The following ANK3 variants were observed in gnomAD, a reference collection of about 807,000 sequenced individuals.
ANK3 encodes the protein ankyrin-3.
Under a neutral mutation model 370.9 loss-of-function variants are expected in ANK3, and 57 were observed. That is an observed-to-expected ratio of 0.15 (90% CI 0.12 to 0.19). The LOEUF is 0.19. ANK3 is among the 10% of genes least tolerant of loss of function. The probability of loss-of-function intolerance (pLI) is 1.00; values close to 1 mark genes in which losing one functional copy is unlikely to be tolerated. For missense variants in ANK3, 4,439 were observed against 5,302.1 expected (o/e 0.84, Z 5.06); for synonymous variants, 1,929 against 1,946.3 (o/e 0.99, Z 0.23).
At chr10:60,237,959 G>A (rs1394750298) in intron 7 of ANK3, among the ~76,000 whole-genome samples, 1 of 152,174 alleles carries the variant, frequency 6.6e-6, no homozygotes, top group Non-Finnish European at 1.5e-5. Context: ...CAGAATTTGG[G>A]CTCTAGACCC....
intron 1 of ANK3, among the ~76,000 whole-genome samples, chr10:60,304,638 G>T (rs2044585485): frequency 6.6e-6 from 1 of 151,948 alleles, no homozygotes; most frequent in East Asian, 1.9e-4. Flanking sequence ...GTGAGGCTCT[G>T]TCTCGAAAAA....
intron 2 of ANK3, among the ~76,000 whole-genome samples, chr10:60,534,113 A>T (rs2076669080): frequency 6.6e-6 from 1 of 152,134 alleles, no homozygotes; most frequent in Non-Finnish European, 1.5e-5. Context: ...GATATTTCAG[A>T]ATAGTAACAA....
intron 36 of ANK3, among the ~76,000 whole-genome samples, chr10:60,078,842 C>A (rs1392947537): frequency 1.3e-5 from 2 of 152,074 alleles, no homozygotes; most frequent in African/African-American, 4.8e-5. Context: ...CCTTATGTAC[C>A]CTTTCATAAA....
At chr10:60,114,935 A>G (rs1400759258) in intron 25 of ANK3, among the ~76,000 whole-genome samples, 1 of 152,184 alleles carries the variant, frequency 6.6e-6, no homozygotes, top group Non-Finnish European at 1.5e-5. Context: ...TTACCAGTGC[A>G]AACAGATTTG....
At chr10:60,423,125 G>A (rs2063811481) in intron 2 of ANK3, among the ~76,000 whole-genome samples, 1 of 151,888 alleles carries the variant, frequency 6.6e-6, no homozygotes, top group Non-Finnish European at 1.5e-5. Context: ...CCATAAGGAA[G>A]TAGTTTTTGT....
intron 1 of ANK3, among the ~76,000 whole-genome samples, chr10:60,386,356 A>G (rs1027565664): frequency 6.6e-6 from 1 of 151,830 alleles, no homozygotes; most frequent in East Asian, 1.9e-4. Flanking sequence ...ACTCATTCAA[A>G]CTTTTTTTTT....
intron 2 of ANK3, among the ~76,000 whole-genome samples, chr10:60,599,392 C>T (rs184453440): frequency 2.7e-4 from 41 of 152,248 alleles, no homozygotes; most frequent in South Asian, 1.2e-3. Context: ...TTCGATACCG[C>T]GCTTCTTTTA....
At chr10:60,666,847 A>T (rs1017464198) in intron 1 of ANK3, among the ~76,000 whole-genome samples, 1 of 152,172 alleles carries the variant, frequency 6.6e-6, no homozygotes, top group Admixed American at 6.5e-5. Context: ...ATTCAAGATG[A>T]TAACTCTTCT....
At chr10:60,344,317 T>C (rs531357717) in intron 1 of ANK3, among the ~76,000 whole-genome samples, 1 of 152,350 alleles carries the variant, frequency 6.6e-6, no homozygotes, top group African/African-American at 2.4e-5. Context: ...TCTTGGATGC[T>C]AAGACAAATG....
intron 36 of ANK3, among the ~76,000 whole-genome samples, chr10:60,079,226 C>CACACACA (rs1564852646): frequency 5.2e-4 from 75 of 143,816 alleles, no homozygotes; most frequent in East Asian, 1.0e-3. Context: ...CACACACACA[C>CACACACA]CCCTCTTCTG....
chr10:60,367,227 G>A (rs1030092159), intron 1 of ANK3, among the ~76,000 whole-genome samples: 1 of 152,124 alleles, frequency 6.6e-6, no homozygotes, highest in African/African-American at 2.4e-5. Context: ...CTACCAAATG[G>A]GAGCTTGGCG....
chr10:60,172,618 G>A (rs1565456265), intron 20 of ANK3, among the ~76,000 whole-genome samples: 1 of 152,248 alleles, frequency 6.6e-6, no homozygotes, highest in East Asian at 1.9e-4. Context: ...GCTTTTTAAC[G>A]TTCTAAGTAA....
intron 7 of ANK3, among the ~76,000 whole-genome samples, chr10:60,255,083 T>C (rs1408269871): frequency 3.3e-5 from 5 of 152,302 alleles, no homozygotes; most frequent in African/African-American, 1.2e-4. Context: ...TTAGCCCTCA[T>C]AGGATTGTTA....
intron 43 of ANK3, among the ~76,000 whole-genome samples, chr10:60,032,406 C>T: frequency 6.6e-6 from 1 of 151,736 alleles, no homozygotes; most frequent in Non-Finnish European, 1.5e-5. Context: ...TGGAGTTTCA[C>T]CATGTTGGCC....
At chr10:60,551,747 A>C (rs2077092944) in intron 2 of ANK3, among the ~76,000 whole-genome samples, 1 of 152,192 alleles carries the variant, frequency 6.6e-6, no homozygotes, top group Admixed American at 6.5e-5. Flanking sequence ...CTTTTATCTC[A>C]TATGACCTTT....
intron 1 of ANK3, among the ~76,000 whole-genome samples, chr10:60,652,146 G>T (rs1186374151): frequency 6.6e-6 from 1 of 152,032 alleles, no homozygotes; most frequent in Non-Finnish European, 1.5e-5. Flanking sequence ...GTTTTGGGAG[G>T]CCAAGTAATG....
chr10:60,145,926 A>G, intron 23 of ANK3: 3 of 716,402 alleles, frequency 4.2e-6, no homozygotes, highest in Non-Finnish European at 7.5e-6. Context: ...GCCTTTCAAA[A>G]TGGGAACTAT....
rs541002350 is a variant in ANK3, at chr10:60,612,901, T to G, written c.96+2285A>C. 1.1e-4 allele frequency among the ~76,000 whole-genome samples: 16 copies of G among 152,296 alleles called. No individual in the cohort carries two copies. The South Asian group carries it at 3.1e-3, about 30-fold the overall frequency. ...GTAAAGACAGCATTTATACCATATA[T>G]AAAAATTGCTACAGAAGGTAGCATA... On this transcript the variant is annotated intron_variant, in intron 2 of 43. Coordinates refer to the ANK3 transcript ENST00000373827.
chr10:60,625,712 C>T (rs918419712), intron 1 of ANK3, among the ~76,000 whole-genome samples: 12 of 152,216 alleles, frequency 7.9e-5, no homozygotes, highest in Middle Eastern at 3.4e-3. Flanking sequence ...TACTGGCAAG[C>T]TCATGTAGTT....
Sources: allele counts gnomAD v4.1 joint callset (sites outside exome capture counted in the v4.1 genomes callset), GRCh38; gene constraint gnomAD v4.1.1; transcripts MANE v1.5; gene names NCBI Gene and HGNC (gene_info 2026-07-23, HGNC 2026-07-21).